Variants in SMCO4 observed in about 807,000 individuals in gnomAD.
SMCO4 encodes single-pass membrane and coiled-coil domain-containing protein 4.
In SMCO4, 4 loss-of-function variants were observed where a neutral mutation model predicts 3.6. That is an observed-to-expected ratio of 1.11 (90% CI 0.54 to 2.53). The LOEUF is 2.53. Among genes scored for constraint, SMCO4 ranks in the 30% most tolerant of loss-of-function variants. The probability of loss-of-function intolerance (pLI) is 0.02; values close to 1 mark genes in which losing one functional copy is unlikely to be tolerated. For missense variants in SMCO4, 70 were observed against 80.8 expected, an observed-to-expected ratio of 0.87 and a Z score of 0.51; for synonymous variants, 36 against 35.3, an observed-to-expected ratio of 1.02 and a Z score of -0.07.
At chr11:93,489,222 G>A (rs1948686172) in intron 2 of SMCO4, among the ~76,000 whole-genome samples, 1 of 152,178 alleles carries the variant, frequency 6.6e-6, no homozygotes, top group Non-Finnish European at 1.5e-5. Flanking sequence ...TGCCTCAGAT[G>A]TCTCACCTGA....
At chr11:93,500,392 A>G (rs971272426) in intron 1 of SMCO4, among the ~76,000 whole-genome samples, 6 of 152,162 alleles carry the variant, frequency 3.9e-5, no homozygotes, top group Non-Finnish European at 8.8e-5. Context: ...TTTTATTCCC[A>G]AAGAGCTTCA....
chr11:93,478,876 A>C lies in SMCO4; in HGVS notation c.*134T>G. ...CGGAGATACTTTAATCAAGTCAAAG[A>C]CCAGAGAAGACAGGGTGCTCCTGCT... On this transcript the variant is annotated 3_prime_UTR_variant, in exon 3 of 3. Transcript: ENST00000298966. The C allele has an allele frequency of 7.0e-7, 1 of 1,432,970 alleles. No individual in the cohort carries two copies. Among genetic ancestry groups the C allele is most frequent in the Non-Finnish European group, 9.1e-7 (1 of 1,095,756 alleles). The allele number at this position is 1,432,970 out of a possible 1,614,324, so 88.8% of individuals were successfully genotyped here.
chr11:93,480,449 A>T (rs1241331329), intron 2 of SMCO4, among the ~76,000 whole-genome samples: 1 of 152,228 alleles, frequency 6.6e-6, no homozygotes, highest in African/African-American at 2.4e-5. Context: ...TGCATGTGTG[A>T]CTAGCCAAGC....
chr11:93,489,180 T>C (rs932956108), intron 2 of SMCO4, among the ~76,000 whole-genome samples: 6 of 152,164 alleles, frequency 3.9e-5, no homozygotes, highest in African/African-American at 1.4e-4. Context: ...TTATCGGCCC[T>C]GCAACCTCAG....
intron 1 of SMCO4, among the ~76,000 whole-genome samples, chr11:93,511,351 C>G (rs181202598): frequency 3.3e-5 from 5 of 152,284 alleles, no homozygotes; most frequent in Admixed American, 2.6e-4. Context: ...TGCAGGCCAG[C>G]CTTTGTGCCC....
intron 1 of SMCO4, among the ~76,000 whole-genome samples, chr11:93,540,848 T>C (rs535816715): frequency 6.6e-6 from 1 of 152,318 alleles, no homozygotes; most frequent in South Asian, 2.1e-4. Context: ...CCTTTACTTG[T>C]TGGAGAAGAT....
Position 93,535,939 on chromosome 11 carries a change from T to C in SMCO4, c.-154+7337A>G, listed in dbSNP as rs150506749. On this transcript the variant is annotated intron_variant, in intron 1 of 2. Transcript: ENST00000298966. ...GGTGTTTTCACATAAGATTAGGGTC[T>C]TTTTGGAAAGAATAGTTGCAGTGTT... 3.0e-3 allele frequency: 4,564 copies of C among 1,497,114 alleles called. 134 individuals are homozygous for C. The African/African-American group carries it at 0.058, about 19-fold the overall frequency. The allele number at this position is 1,497,114 out of a possible 1,614,324, so 92.7% of individuals were successfully genotyped here.
intron 1 of SMCO4, among the ~76,000 whole-genome samples, chr11:93,514,450 T>A (rs1948991352): frequency 7.2e-6 from 1 of 138,852 alleles, no homozygotes; most frequent in Non-Finnish European, 1.5e-5. Flanking sequence ...AAGATCACCC[T>A]AAGTGTGTAA....
At chr11:93,525,200 A>T (rs1339016006) in intron 1 of SMCO4, among the ~76,000 whole-genome samples, 1 of 152,216 alleles carries the variant, frequency 6.6e-6, no homozygotes, top group Non-Finnish European at 1.5e-5. Context: ...CCACACTCTG[A>T]TCAGAAGATC....
intron 1 of SMCO4, among the ~76,000 whole-genome samples, chr11:93,531,856 AT>A (rs1232810804): frequency 6.6e-6 from 1 of 152,192 alleles, no homozygotes; most frequent in East Asian, 1.9e-4. Flanking sequence ...AGATAAATGC[AT>A]ATCTGCTTGC....
chr11:93,545,637 G>A (rs1949311480), upstream of SMCO4, among the ~76,000 whole-genome samples: 1 of 143,390 alleles, frequency 7.0e-6, no homozygotes, highest in African/African-American at 2.5e-5. Context: ...GAAAAAGAAA[G>A]TGTCATCCTT....
At chr11:93,499,063 G>A (rs2658766) in intron 2 of SMCO4, among the ~76,000 whole-genome samples, 118,771 of 152,028 alleles carry the variant, frequency 0.78, 46,788 homozygotes, top group South Asian at 0.85. Flanking sequence ...TGTCGTGGGG[G>A]TTCAACAGCA....
At chr11:93,548,060 G>A (rs190165018), upstream of SMCO4, among the ~76,000 whole-genome samples, 1 of 152,348 alleles carries the variant, frequency 6.6e-6, no homozygotes, top group Non-Finnish European at 1.5e-5. Flanking sequence ...GGTCAGGAAT[G>A]TATGTTCATA....
chr11:93,507,624 T>C (rs948210560), intron 1 of SMCO4, among the ~76,000 whole-genome samples: 22 of 152,246 alleles, frequency 1.4e-4, no homozygotes, highest in Admixed American at 1.2e-3. Flanking sequence ...ATGGATGTGA[T>C]AGGACAACAG....
At position 93,479,204 on chromosome 11, in the gene SMCO4, G is replaced by T; in HGVS notation, c.-15C>A. Reference sequence around the variant, plus strand: ...AGCTGCCGCATCTTTCCTAGAGGATGCTAGGAGGGTGTGTCCAGAGGGATT... The same window carrying T: ...AGCTGCCGCATCTTTCCTAGAGGATTCTAGGAGGGTGTGTCCAGAGGGATT... On this transcript the variant is annotated 5_prime_UTR_variant, in exon 3 of 3. Transcript: ENST00000298966. 1 of 1,611,924 alleles carries T rather than the reference G, an allele frequency of 6.2e-7. No individual in the cohort carries two copies. The highest frequency in any genetic ancestry group is 8.5e-7 in the Non-Finnish European group (1 of 1,178,790).
rs1050797055 is a variant in SMCO4 at position 93,541,735 on chromosome 11, T to C, written c.-154+1541A>G. 2.6e-5 allele frequency among the ~76,000 whole-genome samples: 4 copies of C among 152,344 alleles called. No homozygotes were observed. In the South Asian group the frequency reaches 8.3e-4, roughly 32 times the overall value. On this transcript the variant is annotated intron_variant, in intron 1 of 2. Coordinates refer to ENST00000298966, the MANE Select transcript of SMCO4 (RefSeq NM_020179.3). Reference sequence around the variant, plus strand: ...TTGTAAATCGAGTACCAACTACTATTAGTTTTTTGTTGTTTTGCTTTTTGC... The same window carrying C: ...TTGTAAATCGAGTACCAACTACTATCAGTTTTTTGTTGTTTTGCTTTTTGC...
intron 1 of SMCO4, among the ~76,000 whole-genome samples, chr11:93,530,438 T>A (rs1268303619): frequency 6.6e-6 from 1 of 152,122 alleles, no homozygotes; most frequent in Non-Finnish European, 1.5e-5. Flanking sequence ...TAACATTTTT[T>A]AAAAACCTGC....
At position 93,479,048 on chromosome 11, in the gene SMCO4, A is replaced by T; in HGVS notation, c.142T>A (p.Phe48Ile). ...LAVVVLLIVV[F>I]VYVATRPTIT... The stretch of plus-strand genomic sequence containing the variant: ...GTGGGGCGCGTGGCCACGTACACAA[A>T]CACCACGATCAAGAGCACGACCACG... Residue 48 changes from phenylalanine (F) to isoleucine (I), a missense_variant, in exon 3 of 3, where the codon TTT becomes ATT. By Grantham distance (21) the Phe-to-Ile change is conservative (BLOSUM62 0). Transcript: ENST00000298966. 6.2e-7 allele frequency: 1 copy of T among 1,613,256 alleles called. No homozygotes were observed. Among genetic ancestry groups the T allele is most frequent in the Non-Finnish European group, 8.5e-7 (1 of 1,179,778 alleles).
At chr11:93,541,995 C>CT in intron 1 of SMCO4, among the ~76,000 whole-genome samples, 1 of 152,244 alleles carries the variant, frequency 6.6e-6, no homozygotes, top group African/African-American at 2.4e-5. Context: ...AAACTTCTTG[C>CT]TAACACATCT....
Sources: allele counts gnomAD v4.1 joint callset (sites outside exome capture counted in the v4.1 genomes callset), GRCh38; gene constraint gnomAD v4.1.1; transcripts MANE v1.5; gene names NCBI Gene and HGNC (gene_info 2026-07-23, HGNC 2026-07-21).